ZFHX3: variants seen among roughly 807,000 people sequenced by gnomAD.
The protein encoded by ZFHX3 is zinc finger homeobox 3, also known as zinc finger homeobox protein 3.
In ZFHX3, 42 loss-of-function variants were observed where a neutral mutation model predicts 279.1. The observed-to-expected ratio is 0.15, with a 90% CI of 0.12 to 0.19. ZFHX3 has a LOEUF of 0.19. Among genes scored for constraint, ZFHX3 ranks in the 10% least tolerant of loss-of-function variants. The pLI is 1.00. For missense variants in ZFHX3, 4,981 were observed against 4,754.0 expected (o/e 1.05, Z -1.40); for synonymous variants, 2,293 against 1,957.8 (o/e 1.17, Z -4.52).
chr16:72,902,869 G>A (rs565225746), intron 3 of ZFHX3, among the ~76,000 whole-genome samples: 27 of 152,272 alleles, frequency 1.8e-4, no homozygotes, highest in Admixed American at 1.6e-3. Flanking sequence ...TCTGACAGTC[G>A]CGCAGGCCAG....
intron 1 of ZFHX3, among the ~76,000 whole-genome samples, chr16:73,031,543 T>C (rs764319656): frequency 2.6e-5 from 4 of 152,246 alleles, no homozygotes; most frequent in Non-Finnish European, 4.4e-5. Flanking sequence ...TTCTGCTTAA[T>C]TGCTGTTTTG....
intron 4 of ZFHX3, among the ~76,000 whole-genome samples, chr16:72,879,695 G>C (rs921457839): frequency 1.7e-4 from 26 of 152,192 alleles, no homozygotes; most frequent in African/African-American, 6.0e-4. Flanking sequence ...CAAAGTGCTG[G>C]ATTACAGGTG....
intron 4 of ZFHX3, among the ~76,000 whole-genome samples, chr16:73,283,877 A>G (rs1379212100): frequency 1.3e-5 from 2 of 152,186 alleles, no homozygotes; most frequent in African/African-American, 4.8e-5. Flanking sequence ...TGAGCCCAGG[A>G]GTTCGAATTC....
chr16:73,423,460 G>A (rs1265747239), intron 3 of ZFHX3, among the ~76,000 whole-genome samples: 1 of 152,146 alleles, frequency 6.6e-6, no homozygotes, highest in Non-Finnish European at 1.5e-5. Flanking sequence ...GTGAGACCGG[G>A]CAGACTGTGA....
At chr16:73,783,934 G>A (rs2142306799) in intron 1 of ZFHX3, among the ~76,000 whole-genome samples, 1 of 152,230 alleles carries the variant, frequency 6.6e-6, no homozygotes, top group Admixed American at 6.5e-5. Flanking sequence ...CCAGGTTGAT[G>A]CTGTTCCTAA....
At chr16:72,835,130 C>A (rs1233346747) in intron 4 of ZFHX3, among the ~76,000 whole-genome samples, 4 of 151,970 alleles carry the variant, frequency 2.6e-5, no homozygotes, top group African/African-American at 9.7e-5. Context: ...TGAAATTGTT[C>A]TTTCCTTTTT....
chr16:73,097,270 G>C (rs1966177532), intron 7 of ZFHX3, among the ~76,000 whole-genome samples: 1 of 116,112 alleles, frequency 8.6e-6, no homozygotes, highest in Non-Finnish European at 1.7e-5. Context: ...GACTTGCTCT[G>C]TTGCCCAGGA....
chr16:73,278,854 G>T (rs1375883197), intron 4 of ZFHX3, among the ~76,000 whole-genome samples: 1 of 152,124 alleles, frequency 6.6e-6, no homozygotes, highest in Non-Finnish European at 1.5e-5. Context: ...TAGCTACAGA[G>T]TGCTGATTGG....
At chr16:73,480,286 G>A (rs1266365694) in intron 2 of ZFHX3, among the ~76,000 whole-genome samples, 6 of 152,066 alleles carry the variant, frequency 3.9e-5, no homozygotes, top group African/African-American at 1.2e-4. Flanking sequence ...AGTAGGCTCC[G>A]ATTCCTAAAA....
intron 5 of ZFHX3, among the ~76,000 whole-genome samples, chr16:73,154,071 G>A (rs73595226): frequency 0.024 from 3,647 of 152,222 alleles, 142 homozygotes; most frequent in African/African-American, 0.083. Context: ...GTGATGCTGG[G>A]GTGAAGGCGA....
intron 4 of ZFHX3, among the ~76,000 whole-genome samples, chr16:73,298,356 G>A (rs2014972347): frequency 6.6e-6 from 1 of 151,584 alleles, no homozygotes; most frequent in Non-Finnish European, 1.5e-5. Context: ...GGCTAATTTT[G>A]TATTTTTAGT....
chr16:72,839,970 T>C (rs1417634931), intron 4 of ZFHX3, among the ~76,000 whole-genome samples: 1 of 152,160 alleles, frequency 6.6e-6, no homozygotes, highest in Non-Finnish European at 1.5e-5. Flanking sequence ...CTGCCAGGTT[T>C]CCATGCTGGG....
chr16:73,627,822 GC>G (rs1422964267), intron 2 of ZFHX3, among the ~76,000 whole-genome samples: 3 of 152,164 alleles, frequency 2.0e-5, no homozygotes, highest in Non-Finnish European at 4.4e-5. Context: ...GGAGGCTGAG[GC>G]AGGAGAATCA....
intron 3 of ZFHX3, among the ~76,000 whole-genome samples, chr16:72,935,793 T>A (rs1172028016): frequency 6.6e-6 from 1 of 151,466 alleles, no homozygotes; most frequent in Non-Finnish European, 1.5e-5. Context: ...TTGCTGATAG[T>A]CTACCTAATA....
At chr16:72,991,699 CAG>C (rs1344830989) in intron 1 of ZFHX3, among the ~76,000 whole-genome samples, 1 of 152,212 alleles carries the variant, frequency 6.6e-6, no homozygotes, top group African/African-American at 2.4e-5. Flanking sequence ...TTTTGAGGCT[CAG>C]AGAAGCAGAG....
At chr16:72,805,064 G>A (rs1017310688) in intron 7 of ZFHX3, among the ~76,000 whole-genome samples, 11 of 152,168 alleles carry the variant, frequency 7.2e-5, no homozygotes, top group African/African-American at 2.2e-4. Flanking sequence ...TGCAACCTCC[G>A]CCTCCCGGGT....
chr16:73,059,185 A>C (rs1965640812), exon 1 of ZFHX3: 1 of 129,520 alleles, frequency 7.7e-6, no homozygotes, highest in Admixed American at 8.1e-5. Flanking sequence ...GAAAAGGGGG[A>C]GGTGGAGGGA....
chr16:73,431,457 C>T (rs1330537017), intron 3 of ZFHX3, among the ~76,000 whole-genome samples: 1 of 152,146 alleles, frequency 6.6e-6, no homozygotes, highest in Admixed American at 6.5e-5. Context: ...GGCAGAATCA[C>T]TTGAACCCAG....
At chr16:72,807,134 G>GT (rs2036290180) in intron 7 of ZFHX3, 6 of 152,164 alleles carry the variant, frequency 3.9e-5, no homozygotes, top group Non-Finnish European at 8.8e-5. Context: ...TAAGGGCACC[G>GT]AGCAGCAGCT....
Sources: allele counts gnomAD v4.1 joint callset (sites outside exome capture counted in the v4.1 genomes callset), GRCh38; gene constraint gnomAD v4.1.1; transcripts MANE v1.5; gene names NCBI Gene and HGNC (gene_info 2026-07-23, HGNC 2026-07-21).